KLKB1: variants seen among roughly 807,000 people sequenced by gnomAD.
KLKB1 encodes the protein kallikrein B1.
A neutral mutation model predicts 73.6 loss-of-function variants in KLKB1; 58 were observed. That is an observed-to-expected ratio of 0.79 (90% CI 0.64 to 0.98). The LOEUF is 0.98. Ranked by LOEUF, KLKB1 falls within the 50% of genes least tolerant of loss-of-function variation. KLKB1 has a pLI of 0.00. For synonymous variants in KLKB1, 280 were observed against 258.1 expected (o/e 1.08, Z -0.81); for missense variants, 737 against 763.8 (o/e 0.96, Z 0.41).
rs1319923232 is a variant in KLKB1 at position 186,251,745 on chromosome 4, C to G, written c.1032-4C>G. On this transcript the variant is annotated splice_region_variant and splice_polypyrimidine_tract_variant and intron_variant, in intron 9 of 14. Coordinates refer to ENST00000264690, the MANE Select transcript of KLKB1 (RefSeq NM_000892.5). ...TTACTCTTTCTACTGTTCATTTCAT[C>G]TAGGTGTAAGTGTTTCTTAAGATTA... 4.3e-6 allele frequency: 7 copies of G among 1,609,778 alleles called. No homozygotes were observed. Among genetic ancestry groups the G allele is most frequent in the Non-Finnish European group, 6.0e-6 (7 of 1,176,166 alleles).
chr4:186,230,379 A>G (rs1227346885), intron 2 of KLKB1, among the ~76,000 whole-genome samples: 1 of 152,062 alleles, frequency 6.6e-6, no homozygotes, highest in Non-Finnish European at 1.5e-5. Context: ...TTTGTTATCT[A>G]ATTCTTTAAA....
chr4:186,217,555 C>T (rs535322064), intron 2 of KLKB1, among the ~76,000 whole-genome samples: 1 of 152,188 alleles, frequency 6.6e-6, no homozygotes, highest in South Asian at 2.1e-4. Flanking sequence ...ATTTAAGAAT[C>T]GACTCCAAAA....
At chr4:186,232,946 G>A (rs928115011) in intron 3 of KLKB1, among the ~76,000 whole-genome samples, 15 of 152,070 alleles carry the variant, frequency 9.9e-5, no homozygotes, top group Admixed American at 6.6e-4. Context: ...ATGGAGTCTC[G>A]CTTTGTAGCC....
At chr4:186,213,516 T>C (rs1736795514) in intron 2 of KLKB1, 1 of 152,210 alleles carries the variant, frequency 6.6e-6, no homozygotes, top group Non-Finnish European at 1.5e-5. Flanking sequence ...ACTGTTGTCA[T>C]AGAGAGATTG....
At chr4:186,240,978 G>T (rs1444322598) in intron 6 of KLKB1, among the ~76,000 whole-genome samples, 1 of 152,182 alleles carries the variant, frequency 6.6e-6, no homozygotes, top group African/African-American at 2.4e-5. Context: ...GAGCACCCTG[G>T]ATGGCTCATC....
chr4:186,234,272 A>G (rs1737546564), intron 4 of KLKB1, among the ~76,000 whole-genome samples: 1 of 152,210 alleles, frequency 6.6e-6, no homozygotes, highest in Admixed American at 6.5e-5. Flanking sequence ...AGCCTCTATT[A>G]TTTATGAGGT....
At chr4:186,242,798 G>A (rs1041617495) in intron 6 of KLKB1, among the ~76,000 whole-genome samples, 1 of 152,048 alleles carries the variant, frequency 6.6e-6, no homozygotes, top group East Asian at 1.9e-4. Flanking sequence ...TTGGTGAGGT[G>A]TGTTTTTAAA....
intron 12 of KLKB1, 82 bp downstream of exon 12, chr4:186,254,845 T>TAG: frequency 1.6e-6 from 2 of 1,260,546 alleles, no homozygotes; most frequent in South Asian, 2.5e-5. Flanking sequence ...AGGGCAGACC[T>TAG]AGAGAGACTG....
intron 5 of KLKB1, 66 bp downstream of exon 5, chr4:186,237,006 A>G (rs1580002920): frequency 6.5e-7 from 1 of 1,542,894 alleles, no homozygotes; most frequent in African/African-American, 1.4e-5. Context: ...TATTCTTCTT[A>G]ACCTCTTTTG....
intron 6 of KLKB1, among the ~76,000 whole-genome samples, chr4:186,244,054 G>A (rs1051977035): frequency 4.6e-5 from 7 of 152,158 alleles, no homozygotes; most frequent in African/African-American, 1.7e-4. Flanking sequence ...AGGCTACAGG[G>A]CGTGGTCCTG....
rs4253240 is a variant in KLKB1, at chr4:186,228,046, CA to C, written c.-1-140del. On this transcript the variant is annotated intron_variant, in intron 1 of 14. Coordinates refer to ENST00000264690, the MANE Select transcript of KLKB1 (RefSeq NM_000892.5). ...TCCAACTCCCTAGACACAAATGTAC[CA>C]AAAAAAAACCCTTGTTTTCTATACC... is the stretch of plus-strand genomic sequence containing the variant. 538 of 588,138 alleles carry C rather than the reference CA, an allele frequency of 9.1e-4. 3 individuals carry two copies. The highest frequency in any genetic ancestry group is 5.5e-3 in the African/African-American group (289 of 52,970). 36.4% of individuals were successfully genotyped at this position (588,138 alleles called of 1,614,324 possible). A position where few individuals can be genotyped will look rare whatever the true frequency, so the allele number is the denominator to read the frequency against.
intron 12 of KLKB1, among the ~76,000 whole-genome samples, chr4:186,255,225 T>A (rs1738934630): frequency 6.6e-6 from 1 of 152,154 alleles, no homozygotes; most frequent in African/African-American, 2.4e-5. Context: ...GTGTTGCCTT[T>A]GGAGGGTCAT....
chr4:186,238,278 AGT>A lies in KLKB1; in HGVS notation c.512_513del (p.Ser171ThrfsTer13), dbSNP rs1561454391. ...CAGGAACAATTGCCTATTAAAGTAC[AGT>A]CCCGGAGGAACACCTACCGCTATAA... ...EYRNNCLLKYSPGGTPTAIKV... is the reference protein window; with the variant it reads ...EYRNNCLLKYXPGGTPTAIKV... On this transcript the variant is annotated frameshift_variant, in exon 6 of 15. Coordinates refer to ENST00000264690, the MANE Select transcript of KLKB1 (RefSeq NM_000892.5). LOFTEE classifies it high-confidence loss of function. 6.2e-7 allele frequency: 1 copy of A among 1,613,220 alleles called. No homozygotes were observed. The highest frequency in any genetic ancestry group is 8.5e-7 in the Non-Finnish European group (1 of 1,179,144).
At chr4:186,256,182 T>C in intron 13 of KLKB1, 95 bp downstream of exon 13, 1 of 757,642 alleles carries the variant, frequency 1.3e-6, no homozygotes, top group Non-Finnish European at 2.4e-6. Context: ...TCTGAAATTA[T>C]ATCTAAACTC....
intron 3 of KLKB1, among the ~76,000 whole-genome samples, chr4:186,233,454 A>T (rs1337855358): frequency 1.3e-5 from 2 of 152,230 alleles, no homozygotes; most frequent in Non-Finnish European, 2.9e-5. Flanking sequence ...TGTGAGGATC[A>T]TCATATTAAA....
upstream of KLKB1, among the ~76,000 whole-genome samples, chr4:186,222,216 C>T (rs908129960): frequency 3.3e-5 from 5 of 152,146 alleles, no homozygotes; most frequent in African/African-American, 4.8e-5. Flanking sequence ...TTCACTCATC[C>T]ACTCTCTCTT....
intron 2 of KLKB1, among the ~76,000 whole-genome samples, chr4:186,218,628 TAGTG>T (rs1238671953): frequency 7.3e-6 from 1 of 137,438 alleles, no homozygotes. Context: ...TTATTTTACA[TAGTG>T]TGTGTGTGTG....
At chr4:186,245,997 T>C (rs1214660025) in intron 6 of KLKB1, among the ~76,000 whole-genome samples, 2 of 151,790 alleles carry the variant, frequency 1.3e-5, no homozygotes. Flanking sequence ...AAACGCTAAC[T>C]GATTTGGGAG....
At chr4:186,238,169 T>C (rs1737795673) in intron 5 of KLKB1, 87 bp from the exon 6 acceptor site, 1 of 848,524 alleles carries the variant, frequency 1.2e-6, no homozygotes, top group South Asian at 1.4e-5. Flanking sequence ...GTTTTTCCAC[T>C]GTGCATTTTA....
Sources: allele counts gnomAD v4.1 joint callset (sites outside exome capture counted in the v4.1 genomes callset), GRCh38; gene constraint gnomAD v4.1.1; transcripts MANE v1.5; gene names NCBI Gene and HGNC (gene_info 2026-07-23, HGNC 2026-07-21).